The following CEP112 variants were observed in gnomAD, a reference collection of about 807,000 sequenced individuals.
The protein encoded by CEP112 is centrosomal protein 112.
Under a neutral mutation model 153.0 loss-of-function variants are expected in CEP112, and 127 were observed. The ratio of observed to expected loss-of-function variants is 0.83; its 90% CI spans 0.72 to 0.96. The LOEUF is 0.96. Among genes scored for constraint, CEP112 ranks in the 40% least tolerant of loss-of-function variants. CEP112 has a pLI of 0.00. For synonymous variants in CEP112, 358 were observed against 374.4 expected (o/e 0.96, Z 0.51); for missense variants, 1,089 against 1,101.2 (o/e 0.99, Z 0.16).
At chr17:65,776,541 A>G (rs2053692793) in intron 21 of CEP112, among the ~76,000 whole-genome samples, 1 of 152,172 alleles carries the variant, frequency 6.6e-6, no homozygotes, top group Non-Finnish European at 1.5e-5. Context: ...CCCTTTTTAT[A>G]GTTAGTATGT....
chr17:65,787,426 T>A (rs879568770), intron 21 of CEP112, among the ~76,000 whole-genome samples: 31 of 152,334 alleles, frequency 2.0e-4, no homozygotes, highest in Admixed American at 5.2e-4. Flanking sequence ...AAGGCTGCAG[T>A]GAGCTATAAT....
At chr17:66,123,120 C>T (rs1234100890) in intron 6 of CEP112, among the ~76,000 whole-genome samples, 1 of 152,180 alleles carries the variant, frequency 6.6e-6, no homozygotes, top group East Asian at 1.9e-4. Flanking sequence ...GGAGTGAAAT[C>T]TCTATCCTAT....
intron 17 of CEP112, among the ~76,000 whole-genome samples, chr17:65,976,885 T>G (rs2063056918): frequency 6.6e-6 from 1 of 151,712 alleles, no homozygotes; most frequent in South Asian, 2.1e-4. Flanking sequence ...ATTACAGGCA[T>G]GCACCCCCAT....
At chr17:65,799,354 T>C (rs183003776) in intron 21 of CEP112, among the ~76,000 whole-genome samples, 16 of 152,306 alleles carry the variant, frequency 1.1e-4, no homozygotes, top group African/African-American at 3.6e-4. Flanking sequence ...CTTACCCACA[T>C]ACATCTCATT....
intron 3 of CEP112, 42 bp from the exon 4 acceptor site, chr17:66,175,258 C>A: frequency 7.3e-7 from 1 of 1,373,832 alleles, no homozygotes; most frequent in Non-Finnish European, 9.6e-7. Context: ...TCAAAATGTA[C>A]TATAATAAAC....
chr17:65,775,536 A>T (rs2053628895), intron 21 of CEP112, among the ~76,000 whole-genome samples: 1 of 151,836 alleles, frequency 6.6e-6, no homozygotes, highest in Admixed American at 6.6e-5. Flanking sequence ...GAGTCTCGCT[A>T]TGTCATCCAG....
intron 20 of CEP112, among the ~76,000 whole-genome samples, chr17:65,896,845 A>T (rs2059677238): frequency 2.0e-5 from 3 of 152,158 alleles, no homozygotes; most frequent in Non-Finnish European, 2.9e-5. Flanking sequence ...ATAAAACTTC[A>T]TCTAAAGAAA....
intron 17 of CEP112, among the ~76,000 whole-genome samples, chr17:65,970,435 CATCATGCATGTATATTACATGCATGCACA>C (rs2062668931): frequency 2.2e-5 from 2 of 89,004 alleles, no homozygotes; most frequent in African/African-American, 8.3e-5. Flanking sequence ...TGCATGCACA[CATCATGCATGTATATTACATGCATGCACA>C]CATGCATGTA....
intron 24 of CEP112, among the ~76,000 whole-genome samples, chr17:65,677,085 G>A (rs531673669): frequency 6.6e-6 from 1 of 152,230 alleles, no homozygotes; most frequent in Admixed American, 6.5e-5. Context: ...CAAACAGATT[G>A]CAAATTCCTT....
chr17:65,779,774 A>T (rs2053896301), intron 21 of CEP112, among the ~76,000 whole-genome samples: 1 of 152,188 alleles, frequency 6.6e-6, no homozygotes, highest in African/African-American at 2.4e-5. Flanking sequence ...CCCATAGGAA[A>T]GCCACATACT....
At chr17:65,781,617 T>C (rs1895036) in intron 21 of CEP112, among the ~76,000 whole-genome samples, 80,542 of 151,850 alleles carry the variant, frequency 0.53, 23,180 homozygotes, top group Non-Finnish European at 0.66. Flanking sequence ...TATAAGGCTG[T>C]AGTAACCAAA....
intron 20 of CEP112, among the ~76,000 whole-genome samples, chr17:65,853,745 C>A (rs1002268029): frequency 3.5e-4 from 51 of 146,160 alleles, no homozygotes; most frequent in African/African-American, 1.0e-3. Flanking sequence ...AAAAAAAATT[C>A]TATTTCCGGT....
At chr17:65,995,307 G>A (rs572020455) in intron 17 of CEP112, among the ~76,000 whole-genome samples, 1 of 152,160 alleles carries the variant, frequency 6.6e-6, no homozygotes, top group African/African-American at 2.4e-5. Flanking sequence ...TTCACAAAAT[G>A]TTGGACAAAG....
At chr17:65,901,208 A>G (rs753901628) in intron 20 of CEP112, among the ~76,000 whole-genome samples, 5 of 152,220 alleles carry the variant, frequency 3.3e-5, no homozygotes, top group Non-Finnish European at 5.9e-5. Context: ...GAGGAAGAAT[A>G]ACTACAGGAA....
At chr17:65,937,883 C>T (rs1271384911) in intron 18 of CEP112, among the ~76,000 whole-genome samples, 2 of 115,720 alleles carry the variant, frequency 1.7e-5, no homozygotes, top group Non-Finnish European at 1.8e-5. Context: ...AGTGAGGAGC[C>T]CCTCTGCCCG....
At chr17:65,776,274 G>T (rs574722020) in intron 21 of CEP112, among the ~76,000 whole-genome samples, 2 of 151,836 alleles carry the variant, frequency 1.3e-5, no homozygotes, top group East Asian at 1.9e-4. Context: ...TCGCTCTGTC[G>T]CCCAGGCTGG....
At chr17:66,076,672 C>T (rs921708362) in intron 8 of CEP112, among the ~76,000 whole-genome samples, 23 of 152,180 alleles carry the variant, frequency 1.5e-4, no homozygotes, top group African/African-American at 1.2e-4. Flanking sequence ...TCTAGGGCCA[C>T]GTCCACCACT....
intron 17 of CEP112, among the ~76,000 whole-genome samples, chr17:65,965,234 T>C (rs1316150128): frequency 6.6e-6 from 1 of 152,204 alleles, no homozygotes; most frequent in Non-Finnish European, 1.5e-5. Context: ...CGTCAGATAA[T>C]TAGAGGCCAT....
intron 21 of CEP112, among the ~76,000 whole-genome samples, chr17:65,773,613 AG>A (rs2053509547): frequency 6.6e-6 from 1 of 152,182 alleles, no homozygotes; most frequent in African/African-American, 2.4e-5. Context: ...AGAAATAGAA[AG>A]AAATACATAT....
Sources: gnomAD v4.1 joint callset for allele counts (sites outside exome capture counted in the v4.1 genomes callset) on GRCh38, gnomAD v4.1.1 for gene constraint, MANE v1.5 for transcripts, NCBI Gene and HGNC (gene_info 2026-07-23, HGNC 2026-07-21) for gene names.